MARCHF8: variants seen among roughly 807,000 people sequenced by gnomAD.
MARCHF8 encodes E3 ubiquitin-protein ligase MARCHF8.
In MARCHF8, 40 loss-of-function variants were observed where a neutral mutation model predicts 51.6. The observed-to-expected ratio is 0.77, with a 90% CI of 0.60 to 1.01. The LOEUF (loss-of-function observed/expected upper bound fraction) is 1.01. MARCHF8 is among the 50% of genes least tolerant of loss of function. The pLI, the probability that MARCHF8 is intolerant of heterozygous loss-of-function variation, is 0.00. For missense variants in MARCHF8, 685 were observed against 708.6 expected (o/e 0.97, Z 0.38); for synonymous variants, 263 against 280.3 (o/e 0.94, Z 0.62).
At chr10:45,503,135 A>G (rs979801196) in intron 2 of MARCHF8, among the ~76,000 whole-genome samples, 7 of 152,216 alleles carry the variant, frequency 4.6e-5, no homozygotes, top group African/African-American at 9.6e-5. Flanking sequence ...TCATTTTTTA[A>G]AAAGCAAAGA....
exon 1 of MARCHF8, chr10:45,594,240 C>T (rs1357718916): frequency 6.6e-6 from 1 of 152,240 alleles, no homozygotes; most frequent in Non-Finnish European, 1.5e-5. Context: ...GTTACCTATG[C>T]TTTCCTTCTG....
At chr10:45,459,812 G>A (rs962842820) in intron 6 of MARCHF8, 4 of 985,440 alleles carry the variant, frequency 4.1e-6, no homozygotes, top group Non-Finnish European at 4.8e-6. Flanking sequence ...AGCAGACTCT[G>A]CTAGTCCCAT....
intron 6 of MARCHF8, among the ~76,000 whole-genome samples, chr10:45,460,909 C>T (rs186026931): frequency 6.6e-6 from 1 of 152,154 alleles, no homozygotes; most frequent in South Asian, 2.1e-4. Flanking sequence ...AGGACGTCAA[C>T]AGTTAATATG....
intron 3 of MARCHF8, among the ~76,000 whole-genome samples, chr10:45,484,856 T>G (rs889782969): frequency 6.6e-6 from 1 of 152,130 alleles, no homozygotes; most frequent in Non-Finnish European, 1.5e-5. Context: ...CAAGGGGATA[T>G]TGCACAGGAT....
At chr10:45,587,182 T>C (rs967191693) in intron 1 of MARCHF8, among the ~76,000 whole-genome samples, 1 of 152,082 alleles carries the variant, frequency 6.6e-6, no homozygotes. Flanking sequence ...ATTCAATGAC[T>C]GTATGTGGAG....
chr10:45,470,332 C>T (rs1239440956), intron 3 of MARCHF8, among the ~76,000 whole-genome samples: 2 of 152,164 alleles, frequency 1.3e-5, no homozygotes, highest in South Asian at 2.1e-4. Flanking sequence ...ACTGAGGGCC[C>T]GTCTGCTGGC....
intron 2 of MARCHF8, among the ~76,000 whole-genome samples, chr10:45,527,947 C>T (rs1437199787): frequency 2.0e-5 from 3 of 152,116 alleles, no homozygotes; most frequent in Non-Finnish European, 4.4e-5. Flanking sequence ...TAGGGTTTAA[C>T]ATACAAAAAT....
At chr10:45,572,823 G>A (rs541740589) in intron 1 of MARCHF8, among the ~76,000 whole-genome samples, 80 of 151,906 alleles carry the variant, frequency 5.3e-4, no homozygotes, top group Non-Finnish European at 1.0e-3. Flanking sequence ...TGTTTTATCC[G>A]TGGACCCAAA....
At chr10:45,484,441 C>T (rs1424590260) in intron 3 of MARCHF8, among the ~76,000 whole-genome samples, 1 of 152,072 alleles carries the variant, frequency 6.6e-6, no homozygotes, top group Non-Finnish European at 1.5e-5. Context: ...TTCCAGTGCC[C>T]GTCTTTGTAT....
intron 1 of MARCHF8, among the ~76,000 whole-genome samples, chr10:45,543,720 C>T (rs537083296): frequency 6.7e-6 from 1 of 148,852 alleles, no homozygotes; most frequent in South Asian, 2.1e-4. Flanking sequence ...ATGGCGTGAA[C>T]CCGGGAGGCG....
intron 2 of MARCHF8, among the ~76,000 whole-genome samples, chr10:45,515,542 A>C (rs866622963): frequency 6.6e-6 from 1 of 152,154 alleles, no homozygotes; most frequent in African/African-American, 2.4e-5. Flanking sequence ...TATGTTTTAT[A>C]AACTTCTAGT....
intron 1 of MARCHF8, among the ~76,000 whole-genome samples, chr10:45,582,302 C>G (rs1028062310): frequency 6.6e-6 from 1 of 152,196 alleles, no homozygotes; most frequent in Non-Finnish European, 1.5e-5. Flanking sequence ...CAGAGCACCT[C>G]CCGTTCAACT....
chr10:45,534,999 A>G (rs531395559), intron 1 of MARCHF8, among the ~76,000 whole-genome samples: 1 of 152,352 alleles, frequency 6.6e-6, no homozygotes, highest in Non-Finnish European at 1.5e-5. Context: ...TAATCTGTTT[A>G]TAAAGTCTAG....
upstream of MARCHF8, among the ~76,000 whole-genome samples, chr10:45,536,842 A>AATAATAATAATC (rs1279879993): frequency 1.7e-5 from 2 of 119,922 alleles, no homozygotes; most frequent in South Asian, 2.4e-4. Context: ...CCAAAATAAT[A>AATAATAATAATC]ATAATAATAA....
At chr10:45,465,486 C>T (rs1428811061) in intron 3 of MARCHF8, among the ~76,000 whole-genome samples, 1 of 152,230 alleles carries the variant, frequency 6.6e-6, no homozygotes, top group African/African-American at 2.4e-5. Flanking sequence ...AGGGTGCACT[C>T]TCATCCTGGA....
At chr10:45,570,550 G>A (rs978170295) in intron 1 of MARCHF8, among the ~76,000 whole-genome samples, 4 of 152,108 alleles carry the variant, frequency 2.6e-5, no homozygotes, top group African/African-American at 9.7e-5. Context: ...TGGCAACATG[G>A]CAAAGATAGT....
intron 3 of MARCHF8, among the ~76,000 whole-genome samples, chr10:45,488,922 G>A (rs1004574171): frequency 3.3e-5 from 5 of 152,044 alleles, no homozygotes; most frequent in South Asian, 2.1e-4. Context: ...GTGGCACCCC[G>A]AACAGCCACA....
chr10:45,468,442 A>G (rs972422931), intron 3 of MARCHF8, among the ~76,000 whole-genome samples: 1 of 151,784 alleles, frequency 6.6e-6, no homozygotes, highest in Non-Finnish European at 1.5e-5. Flanking sequence ...TTTCTGTGCA[A>G]CCCCCAACTG....
chr10:45,463,977 C>T lies in MARCHF8; in HGVS notation c.262G>A (p.Glu88Lys), dbSNP rs1209208478. Residue 88 changes from glutamate (E) to lysine (K), a missense_variant, in exon 5 of 8, where the codon GAG (glutamate) becomes AAG (lysine). Transcript: ENST00000453424. ...DICSSSAVFS[E>K]CCHHSSVQSA... ...TGCACGGAACTGTGGTGACAACACT[C>T]AGAAAACACTGCACTGGAACTGCAT... 1 of 1,535,416 alleles carries T rather than the reference C, an allele frequency of 6.5e-7. No homozygotes were observed. The highest frequency in any genetic ancestry group is 8.7e-7 in the Non-Finnish European group (1 of 1,146,652).
Sources: gnomAD v4.1 joint callset for allele counts (sites outside exome capture counted in the v4.1 genomes callset) on GRCh38, gnomAD v4.1.1 for gene constraint, MANE v1.5 for transcripts, NCBI Gene and HGNC (gene_info 2026-07-23, HGNC 2026-07-21) for gene names.